Variants in ENTREP2 observed in about 807,000 individuals in gnomAD.
The protein encoded by ENTREP2 is endosomal transmembrane epsin interactor 2, also known as protein ENTREP2.
At chr15:29,577,217 C>A in the ENTREP2 span, among the ~76,000 whole-genome samples, 1 of 151,744 alleles carries the variant, frequency 6.6e-6, no homozygotes, top group Non-Finnish European at 1.5e-5. Context: ...AATGGTGCAG[C>A]CACTGTGGAA....
chr15:29,415,222 C>A, the ENTREP2 span, among the ~76,000 whole-genome samples: 7 of 152,262 alleles, frequency 4.6e-5, no homozygotes, highest in Admixed American at 3.9e-4. Flanking sequence ...ACACCAATAT[C>A]CCTGATGAAC....
At chr15:29,197,013 G>A in the ENTREP2 span, among the ~76,000 whole-genome samples, 2 of 152,078 alleles carry the variant, frequency 1.3e-5, no homozygotes, top group East Asian at 1.9e-4. Flanking sequence ...CGCCACCCTC[G>A]AGGCCTTGTC....
At chr15:29,579,679 C>T in the ENTREP2 span, among the ~76,000 whole-genome samples, 216 of 134,698 alleles carry the variant, frequency 1.6e-3, 1 homozygote, top group African/African-American at 6.2e-3. Context: ...GCCACCACAC[C>T]CAGCTAATTT....
At chr15:29,192,438 TACA>T in the ENTREP2 span, among the ~76,000 whole-genome samples, 2 of 152,086 alleles carry the variant, frequency 1.3e-5, no homozygotes, top group African/African-American at 2.4e-5. Context: ...GCCCCACCAT[TACA>T]ACAACAAGAA....
the ENTREP2 span, among the ~76,000 whole-genome samples, chr15:29,612,186 G>A: frequency 6.6e-6 from 1 of 152,130 alleles, no homozygotes; most frequent in Admixed American, 6.5e-5. Context: ...TTCCTCACGT[G>A]CATTCCACAG....
the ENTREP2 span, among the ~76,000 whole-genome samples, chr15:29,490,640 G>A: frequency 2.0e-5 from 3 of 152,102 alleles, no homozygotes; most frequent in African/African-American, 7.2e-5. Context: ...CTCTAGCTAG[G>A]TGTAAAAGTT....
chr15:29,195,031 A>C, the ENTREP2 span: 1 of 795,634 alleles, frequency 1.3e-6, no homozygotes, highest in African/African-American at 1.9e-5. Flanking sequence ...GCCACAGCAG[A>C]CCTCAGGCAC....
chr15:29,564,875 G>A, the ENTREP2 span, among the ~76,000 whole-genome samples: 1 of 152,090 alleles, frequency 6.6e-6, no homozygotes, highest in Non-Finnish European at 1.5e-5. Flanking sequence ...CTTTATCTAT[G>A]GCTGTCTTGC....
chr15:29,671,656 T>C, the ENTREP2 span, among the ~76,000 whole-genome samples: 1 of 152,210 alleles, frequency 6.6e-6, no homozygotes, highest in African/African-American at 2.4e-5. Flanking sequence ...TGTTCCAACA[T>C]TTCATTACTC....
chr15:29,269,757 G>T, the ENTREP2 span: 20 of 1,408,774 alleles, frequency 1.4e-5, no homozygotes, highest in Non-Finnish European at 1.6e-5. Context: ...CAGCCGCGGC[G>T]GGGATTGCGG....
chr15:29,580,450 A>C, the ENTREP2 span, among the ~76,000 whole-genome samples: 1 of 152,130 alleles, frequency 6.6e-6, no homozygotes, highest in Non-Finnish European at 1.5e-5. Flanking sequence ...AGTGCCAGTT[A>C]TTTTTCTATT....
chr15:29,289,223 AAAAG>A, the ENTREP2 span, among the ~76,000 whole-genome samples: 22 of 151,808 alleles, frequency 1.4e-4, no homozygotes, highest in Non-Finnish European at 1.8e-4. Flanking sequence ...AAAAAAAAGA[AAAAG>A]AAAAGAAAAA....
At chr15:29,674,415 G>T in the ENTREP2 span, among the ~76,000 whole-genome samples, 3 of 152,032 alleles carry the variant, frequency 2.0e-5, no homozygotes, top group African/African-American at 7.2e-5. Context: ...GACTACAGGT[G>T]CCCGCCACCA....
the ENTREP2 span, among the ~76,000 whole-genome samples, chr15:29,262,831 C>A: frequency 1.3e-5 from 2 of 152,174 alleles, no homozygotes; most frequent in African/African-American, 4.8e-5. Context: ...GTCTTGGGGA[C>A]TAAGCCCTCA....
At chr15:29,421,658 C>A in the ENTREP2 span, among the ~76,000 whole-genome samples, 111,333 of 152,072 alleles carry the variant, frequency 0.73, 41,022 homozygotes, top group East Asian at 0.89. Flanking sequence ...ATGAAACTTA[C>A]AATGCTCAAA....
chr15:29,317,452 T>C, the ENTREP2 span, among the ~76,000 whole-genome samples: 1 of 151,930 alleles, frequency 6.6e-6, no homozygotes, highest in Non-Finnish European at 1.5e-5. Flanking sequence ...TGAATCAAAA[T>C]AGTCAGGAAC....
At chr15:29,429,720 A>G in the ENTREP2 span, among the ~76,000 whole-genome samples, 1 of 152,226 alleles carries the variant, frequency 6.6e-6, no homozygotes, top group Non-Finnish European at 1.5e-5. Context: ...GACAGCCATG[A>G]GCTGAAACTA....
At chr15:29,234,545 G>T in the ENTREP2 span, 1 of 1,384,272 alleles carries the variant, frequency 7.2e-7, no homozygotes, top group Non-Finnish European at 1.0e-6. Context: ...TGGGCAAATA[G>T]CAACAGATGT....
chr15:29,320,986 T>C, the ENTREP2 span, among the ~76,000 whole-genome samples: 17 of 152,232 alleles, frequency 1.1e-4, no homozygotes, highest in African/African-American at 4.1e-4. Context: ...TAATATAAAC[T>C]GATAAACTTT....
Sources: gnomAD v4.1 joint callset for allele counts (sites outside exome capture counted in the v4.1 genomes callset) on GRCh38, gnomAD v4.1.1 for gene constraint, MANE v1.5 for transcripts, NCBI Gene and HGNC (gene_info 2026-07-23, HGNC 2026-07-21) for gene names.